Variants in SGCD observed in about 807,000 individuals in gnomAD.
SGCD encodes delta-sarcoglycan.
Under a neutral mutation model 36.6 loss-of-function variants are expected in SGCD, and 18 were observed. That is an observed-to-expected ratio of 0.49 (90% CI 0.34 to 0.73). The LOEUF is 0.73. Among genes scored for constraint, SGCD ranks in the 30% least tolerant of loss-of-function variants. The pLI, the probability that SGCD is intolerant of heterozygous loss-of-function variation, is 0.01. For missense variants in SGCD, 387 were observed against 346.7 expected, an observed-to-expected ratio of 1.12 and a Z score of -0.92; for synonymous variants, 133 against 130.6, an observed-to-expected ratio of 1.02 and a Z score of -0.12.
chr5:156,674,443 TGA>T (rs1465371687), intron 7 of SGCD, among the ~76,000 whole-genome samples: 1 of 151,564 alleles, frequency 6.6e-6, no homozygotes, highest in Non-Finnish European at 1.5e-5. Context: ...GGCTCAGGAG[TGA>T]GAGGGGCAGA....
intron 3 of SGCD, among the ~76,000 whole-genome samples, chr5:156,277,939 T>C (rs1020483122): frequency 5.9e-5 from 9 of 152,268 alleles, no homozygotes; most frequent in African/African-American, 2.2e-4. Flanking sequence ...AAATGGACAT[T>C]ACGCACACAA....
At chr5:156,695,647 T>C (rs1229952130) in intron 7 of SGCD, among the ~76,000 whole-genome samples, 1 of 152,104 alleles carries the variant, frequency 6.6e-6, no homozygotes. Flanking sequence ...TTATATCCTA[T>C]AACAATTAAG....
chr5:156,563,838 A>G (rs1462050251), intron 4 of SGCD, among the ~76,000 whole-genome samples: 1 of 151,348 alleles, frequency 6.6e-6, no homozygotes, highest in Non-Finnish European at 1.5e-5. Context: ...GCAGTTACAT[A>G]CAATGCCTAA....
chr5:156,673,462 G>A (rs537557246), intron 7 of SGCD, among the ~76,000 whole-genome samples: 1 of 152,238 alleles, frequency 6.6e-6, no homozygotes, highest in East Asian at 1.9e-4. Context: ...CACAGAGGAA[G>A]GCCAAGTCCT....
rs1488064487 is a variant in SGCD, at chr5:156,760,691, A to G, written c.*1301A>G. The G allele has an allele frequency of 3.3e-5, 5 of 152,580 alleles. No individual in the cohort carries two copies. Among genetic ancestry groups the G allele is most frequent in the South Asian group, 2.1e-4 (1 of 4,822 alleles). 9.5% of individuals were successfully genotyped at this position (152,580 alleles called of 1,614,324 possible). A position where few individuals can be genotyped will look rare whatever the true frequency, so the allele number is the denominator to read the frequency against. On this transcript the variant is annotated 3_prime_UTR_variant, in exon 9 of 9. Coordinates refer to ENST00000337851, the MANE Select transcript of SGCD (RefSeq NM_000337.6). ...TCATTCCCGCCATCAGCTACCTCTC[A>G]TCACCCCACCTTCATCATCATGCTC... is the stretch of plus-strand genomic sequence containing the variant.
intron 1 of SGCD, among the ~76,000 whole-genome samples, chr5:156,026,145 A>G (rs963952022): frequency 1.3e-5 from 2 of 152,232 alleles, no homozygotes; most frequent in South Asian, 4.1e-4. Flanking sequence ...GAAATATGCA[A>G]CTTAGTACTG....
chr5:155,833,646 C>T, the SGCD span, among the ~76,000 whole-genome samples: 2 of 152,144 alleles, frequency 1.3e-5, no homozygotes, highest in Non-Finnish European at 1.5e-5. Context: ...TTTGCGAGCT[C>T]CAGTCTTGTT....
At chr5:156,099,082 A>G (rs1244844940) in intron 1 of SGCD, among the ~76,000 whole-genome samples, 1 of 152,210 alleles carries the variant, frequency 6.6e-6, no homozygotes, top group South Asian at 2.1e-4. Context: ...TAAACACCAG[A>G]TCTGCATAGC....
chr5:155,892,477 A>T (rs1175649327), intron 1 of SGCD, among the ~76,000 whole-genome samples: 5 of 151,324 alleles, frequency 3.3e-5, no homozygotes, highest in Non-Finnish European at 7.4e-5. Context: ...AAAAAAAAAA[A>T]AAAAAAAGGA....
intron 3 of SGCD, among the ~76,000 whole-genome samples, chr5:156,154,782 G>A (rs1252117807): frequency 6.6e-6 from 1 of 151,596 alleles, no homozygotes; most frequent in Non-Finnish European, 1.5e-5. Context: ...CCTCTCAATA[G>A]ATAACTGATA....
At chr5:156,622,248 C>G (rs1388822296) in intron 6 of SGCD, among the ~76,000 whole-genome samples, 2 of 151,934 alleles carry the variant, frequency 1.3e-5, no homozygotes, top group Admixed American at 1.3e-4. Context: ...GCCTGACCAA[C>G]ATGGTGAAAC....
At chr5:156,617,887 A>G (rs1357606484) in intron 6 of SGCD, among the ~76,000 whole-genome samples, 2 of 152,178 alleles carry the variant, frequency 1.3e-5, no homozygotes, top group African/African-American at 4.8e-5. Flanking sequence ...TACCATGACA[A>G]GGTGAAGCAA....
intron 3 of SGCD, among the ~76,000 whole-genome samples, chr5:156,200,658 A>T (rs774327434): frequency 6.6e-6 from 1 of 152,202 alleles, no homozygotes; most frequent in Non-Finnish European, 1.5e-5. Context: ...ATTGGAACCC[A>T]TTATGCAAAC....
Position 156,475,678 on chromosome 5 carries a change from C to A in SGCD, c.193-32923C>A, listed in dbSNP as rs144617589. On this transcript the variant is annotated intron_variant, in intron 3 of 8. Transcript: ENST00000337851. ...AAGCCTGCCGCTAACCAAGTAAACA[C>A]CCCCAGACAAACCAACAGCTGCAAA... 9.5e-3 allele frequency among the ~76,000 whole-genome samples: 1,451 copies of A among 152,266 alleles called. 12 individuals carry two copies. Among genetic ancestry groups the A allele is most frequent in the Non-Finnish European group, 0.016 (1,085 of 68,012 alleles).
At chr5:155,784,649 T>TTC in the SGCD span, among the ~76,000 whole-genome samples, 15 of 151,072 alleles carry the variant, frequency 9.9e-5, no homozygotes, top group African/African-American at 3.6e-4. Flanking sequence ...CCTTTTTTTT[T>TTC]TTTTTTTCCA....
chr5:156,225,637 A>T (rs565196809), intron 3 of SGCD, among the ~76,000 whole-genome samples: 1 of 152,220 alleles, frequency 6.6e-6, no homozygotes, highest in Admixed American at 6.6e-5. Flanking sequence ...ATGAATGCCA[A>T]GTTTGCCTGT....
chr5:156,602,231 A>T (rs1761225864), intron 6 of SGCD, among the ~76,000 whole-genome samples: 1 of 151,970 alleles, frequency 6.6e-6, no homozygotes, highest in South Asian at 2.1e-4. Flanking sequence ...TGCTTTCTTG[A>T]TATTTTTTCA....
At chr5:156,108,565 T>C (rs532289431) in intron 1 of SGCD, among the ~76,000 whole-genome samples, 64 of 152,304 alleles carry the variant, frequency 4.2e-4, no homozygotes, top group Admixed American at 2.0e-3. Context: ...ATGGAATATA[T>C]CTTTATGACA....
At chr5:156,346,453 C>T (rs901922217) in intron 3 of SGCD, among the ~76,000 whole-genome samples, 2 of 152,120 alleles carry the variant, frequency 1.3e-5, no homozygotes, top group Admixed American at 1.3e-4. Flanking sequence ...CACACACCAT[C>T]ATGCTTGACT....
Sources: gnomAD v4.1 joint callset for allele counts (sites outside exome capture counted in the v4.1 genomes callset) on GRCh38, gnomAD v4.1.1 for gene constraint, MANE v1.5 for transcripts, NCBI Gene and HGNC (gene_info 2026-07-23, HGNC 2026-07-21) for gene names.